The following ATF6 variants were observed in gnomAD, a reference collection of about 807,000 sequenced individuals.
ATF6 encodes the protein cyclic AMP-dependent transcription factor ATF-6 alpha.
Under a neutral mutation model 83.6 loss-of-function variants are expected in ATF6, and 53 were observed. That is an observed-to-expected ratio of 0.63 (90% CI 0.51 to 0.80). ATF6 has a LOEUF of 0.80. ATF6 is among the 30% of genes least tolerant of loss of function. ATF6 has a pLI of 0.00. For synonymous variants in ATF6, 288 were observed against 285.8 expected (o/e 1.01, Z -0.08); for missense variants, 744 against 797.9 (o/e 0.93, Z 0.81).
intron 9 of ATF6, among the ~76,000 whole-genome samples, chr1:161,829,188 A>AATTTTTTTTT (rs1474053685): frequency 8.6e-6 from 1 of 115,614 alleles, no homozygotes; most frequent in East Asian, 3.7e-4. Flanking sequence ...ATAATGGGAG[A>AATTTTTTTTT]CTTTTTTTTT....
intron 9 of ATF6, among the ~76,000 whole-genome samples, chr1:161,842,265 G>A (rs1467693642): frequency 2.0e-5 from 3 of 152,168 alleles, no homozygotes; most frequent in African/African-American, 7.2e-5. Flanking sequence ...CATTGGTAAA[G>A]TCACCTAGAC....
chr1:161,836,620 T>C (rs1686223904), intron 9 of ATF6, among the ~76,000 whole-genome samples: 1 of 152,254 alleles, frequency 6.6e-6, no homozygotes. Flanking sequence ...TCTGTAGATT[T>C]CATCCTTTGT....
intron 9 of ATF6, chr1:161,840,504 A>G (rs1277184886): frequency 6.6e-6 from 1 of 152,192 alleles, no homozygotes; most frequent in Non-Finnish European, 1.5e-5. Context: ...ACCTACTTGT[A>G]CCATAAGAAA....
intron 14 of ATF6, among the ~76,000 whole-genome samples, chr1:161,903,799 TC>T (rs1238973920): frequency 1.3e-5 from 2 of 152,166 alleles, no homozygotes; most frequent in Non-Finnish European, 2.9e-5. Flanking sequence ...ACCCAGGCAG[TC>T]TAGCTCCAGA....
intron 15 of ATF6, among the ~76,000 whole-genome samples, chr1:161,939,423 G>T (rs1313442092): frequency 1.3e-5 from 2 of 152,218 alleles, no homozygotes; most frequent in East Asian, 1.9e-4. Flanking sequence ...CCATTAACTC[G>T]TCATTTATAT....
chr1:161,859,824 G>A (rs574013861), intron 12 of ATF6, among the ~76,000 whole-genome samples: 2 of 152,290 alleles, frequency 1.3e-5, no homozygotes, highest in South Asian at 2.1e-4. Flanking sequence ...ATAGGATCTA[G>A]TTTCATTATG....
intron 15 of ATF6, among the ~76,000 whole-genome samples, chr1:161,938,640 T>G (rs1451386837): frequency 1.3e-5 from 2 of 152,096 alleles, no homozygotes; most frequent in Non-Finnish European, 2.9e-5. Flanking sequence ...TCCAAATGAG[T>G]TCCATAAACC....
intron 12 of ATF6, among the ~76,000 whole-genome samples, chr1:161,854,928 A>G (rs1231968809): frequency 6.6e-6 from 1 of 152,140 alleles, no homozygotes; most frequent in Non-Finnish European, 1.5e-5. Flanking sequence ...CAGAGGGAAC[A>G]GCAAATGTAA....
chr1:161,817,251 A>C (rs965727014), intron 7 of ATF6, among the ~76,000 whole-genome samples: 18 of 152,214 alleles, frequency 1.2e-4, no homozygotes, highest in Non-Finnish European at 1.9e-4. Flanking sequence ...TCCACAGATT[A>C]ATTAGCCTTT....
At chr1:161,790,221 G>C (rs963551157) in intron 4 of ATF6, among the ~76,000 whole-genome samples, 4 of 151,788 alleles carry the variant, frequency 2.6e-5, no homozygotes, top group Non-Finnish European at 5.9e-5. Context: ...TGGCTTCTGT[G>C]TGTTCTGACT....
At chr1:161,860,921 A>G (rs2101836546) in intron 13 of ATF6, among the ~76,000 whole-genome samples, 1 of 152,304 alleles carries the variant, frequency 6.6e-6, no homozygotes, top group East Asian at 1.9e-4. Context: ...GGGAAGCAAT[A>G]TGGTGTCATG....
chr1:161,814,245 C>G (rs1685553033), intron 7 of ATF6, among the ~76,000 whole-genome samples: 1 of 152,184 alleles, frequency 6.6e-6, no homozygotes, highest in Non-Finnish European at 1.5e-5. Flanking sequence ...TAACAGGAAA[C>G]CATTTTGAGG....
intron 15 of ATF6, among the ~76,000 whole-genome samples, chr1:161,936,197 C>T (rs1350264577): frequency 6.6e-6 from 1 of 152,138 alleles, no homozygotes; most frequent in East Asian, 1.9e-4. Flanking sequence ...TTGTTGTGTT[C>T]TTAACACAAC....
rs1006297060 is a variant in ATF6, at chr1:161,893,354, C to T, written c.1720-18942C>T. On this transcript the variant is annotated intron_variant, in intron 14 of 15. Transcript: ENST00000367942. ...GCTAATTTTGTATTTTTAGTAGAGACGGGGTTTCTCCATGTTGGTCAGGCT... is the reference window on the plus strand; with the variant it reads ...GCTAATTTTGTATTTTTAGTAGAGATGGGGTTTCTCCATGTTGGTCAGGCT... 5.3e-5 allele frequency among the ~76,000 whole-genome samples: 8 copies of T among 151,930 alleles called. 2 individuals are homozygous for T. The highest frequency in any genetic ancestry group is 5.2e-4 in the Admixed American group (8 of 15,274).
chr1:161,871,188 A>C (rs1687116221), intron 14 of ATF6, among the ~76,000 whole-genome samples: 1 of 151,694 alleles, frequency 6.6e-6, no homozygotes, highest in East Asian at 1.9e-4. Flanking sequence ...AAAGGAGGAC[A>C]TTTTTCTCAA....
chr1:161,817,203 T>C (rs1685633086), intron 7 of ATF6, among the ~76,000 whole-genome samples: 1 of 152,210 alleles, frequency 6.6e-6, no homozygotes, highest in Admixed American at 6.5e-5. Context: ...TTGTTTGAAA[T>C]TTATTAAATG....
At chr1:161,851,141 T>TACACACAC (rs35398462) in intron 10 of ATF6, among the ~76,000 whole-genome samples, 2,997 of 135,912 alleles carry the variant, frequency 0.022, 109 homozygotes, top group South Asian at 0.037. Context: ...ATCCTTAACA[T>TACACACAC]ACACACACAC....
At chr1:161,835,191 T>C (rs1686183286) in intron 9 of ATF6, among the ~76,000 whole-genome samples, 1 of 152,194 alleles carries the variant, frequency 6.6e-6, no homozygotes, top group Non-Finnish European at 1.5e-5. Flanking sequence ...TAGTTAGTAC[T>C]CTAGATACAC....
At chr1:161,951,697 A>G (rs1047526426) in intron 15 of ATF6, among the ~76,000 whole-genome samples, 3 of 152,368 alleles carry the variant, frequency 2.0e-5, no homozygotes, top group Admixed American at 2.0e-4. Flanking sequence ...AGTTTTGGTC[A>G]TAGGAGAAGA....
Sources: allele counts gnomAD v4.1 joint callset (sites outside exome capture counted in the v4.1 genomes callset), GRCh38; gene constraint gnomAD v4.1.1; transcripts MANE v1.5; gene names NCBI Gene and HGNC (gene_info 2026-07-23, HGNC 2026-07-21).